DPP10: variants seen among roughly 807,000 people sequenced by gnomAD.
The protein encoded by DPP10 is dipeptidyl peptidase like 10, also known as inactive dipeptidyl peptidase 10.
A neutral mutation model predicts 120.9 loss-of-function variants in DPP10; 33 were observed. That is an observed-to-expected ratio of 0.27 (90% CI 0.21 to 0.37). The LOEUF (loss-of-function observed/expected upper bound fraction) is 0.37, where lower values mean the gene tolerates loss of function less well. Among genes scored for constraint, DPP10 ranks in the 10% least tolerant of loss-of-function variants. The probability of loss-of-function intolerance (pLI) is 1.00; values close to 1 mark genes in which losing one functional copy is unlikely to be tolerated. For missense variants in DPP10, 816 were observed against 942.8 expected (o/e 0.87, Z 1.76); for synonymous variants, 337 against 326.1 (o/e 1.03, Z -0.36).
intron 3 of DPP10, among the ~76,000 whole-genome samples, chr2:115,444,371 C>T (rs1280210353): frequency 6.6e-6 from 1 of 152,170 alleles, no homozygotes; most frequent in African/African-American, 2.4e-5. Context: ...CAGGCACCTG[C>T]ACTTTCCAAA....
chr2:114,965,920 C>T lies in DPP10; in HGVS notation c.61-343319C>T, dbSNP rs563481531. Among the ~76,000 whole-genome samples the T allele has an allele frequency of 1.7e-4, 22 of 128,640 alleles. No individual in the cohort carries two copies. The South Asian group carries it at 1.9e-3, about 11-fold the overall frequency. The allele number at this position is 128,640 out of a possible 152,430, so 84.4% of individuals were successfully genotyped here. A position where few individuals can be genotyped will look rare whatever the true frequency, so the allele number is the denominator to read the frequency against. On this transcript the variant is annotated intron_variant, in intron 1 of 25. Coordinates refer to ENST00000410059, the MANE Select transcript of DPP10 (RefSeq NM_020868.6). Reference sequence around the variant, plus strand: ...GGCAGGGCTTGCGGTGAGCCGAGATCGCCCCACTGCACTCCAGCTTGGGCG... The same window carrying T: ...GGCAGGGCTTGCGGTGAGCCGAGATTGCCCCACTGCACTCCAGCTTGGGCG...
intron 3 of DPP10, among the ~76,000 whole-genome samples, chr2:115,458,188 C>T (rs2073733877): frequency 6.6e-6 from 1 of 152,032 alleles, no homozygotes; most frequent in Non-Finnish European, 1.5e-5. Context: ...ATTACACCCC[C>T]AAAATGAGAG....
chr2:115,153,952 C>T (rs2051730741), intron 1 of DPP10, among the ~76,000 whole-genome samples: 1 of 152,202 alleles, frequency 6.6e-6, no homozygotes, highest in Non-Finnish European at 1.5e-5. Context: ...CAGCAATTCC[C>T]CTTACCCTCT....
At chr2:115,569,976 C>A (rs542858004) in intron 5 of DPP10, among the ~76,000 whole-genome samples, 2 of 152,082 alleles carry the variant, frequency 1.3e-5, no homozygotes, top group African/African-American at 4.8e-5. Context: ...TTTATATCAT[C>A]AAGTATTGTT....
At chr2:114,779,812 A>G (rs1393954884) in intron 1 of DPP10, among the ~76,000 whole-genome samples, 1 of 152,110 alleles carries the variant, frequency 6.6e-6, no homozygotes, top group Non-Finnish European at 1.5e-5. Context: ...CAAAAATTCC[A>G]AAAACATTTT....
chr2:114,442,645 G>A lies in DPP10; in HGVS notation c.-134G>A, dbSNP rs891532271. 8 of 944,794 alleles carry A rather than the reference G, an allele frequency of 8.5e-6. No homozygotes were observed. In the Admixed American group the frequency reaches 1.5e-4, roughly 18 times the overall value. The allele number at this position is 944,794 out of a possible 1,614,324, so 58.5% of individuals were successfully genotyped here. On this transcript the variant is annotated 5_prime_UTR_variant, in exon 1 of 26. Coordinates refer to ENST00000410059, the MANE Select transcript of DPP10 (RefSeq NM_020868.6). ...GAGTGAGGAAGCAGCAGAAACAGAA[G>A]CAGCAGAAGCAACAGCAGTAGCAGC...
intron 1 of DPP10, among the ~76,000 whole-genome samples, chr2:114,567,562 T>G (rs972843427): frequency 2.0e-5 from 3 of 152,154 alleles, no homozygotes; most frequent in Non-Finnish European, 4.4e-5. Context: ...GGAAACAGAT[T>G]CTTTCCTAGA....
chr2:114,876,394 C>A (rs886685466), intron 1 of DPP10, among the ~76,000 whole-genome samples: 3 of 152,070 alleles, frequency 2.0e-5, no homozygotes, highest in Non-Finnish European at 4.4e-5. Flanking sequence ...CCTGCAGCTT[C>A]CCTCTAATCA....
intron 1 of DPP10, among the ~76,000 whole-genome samples, chr2:115,215,736 T>C (rs1424591981): frequency 6.6e-6 from 1 of 152,160 alleles, no homozygotes; most frequent in Non-Finnish European, 1.5e-5. Context: ...AATTATCATA[T>C]AATCCAGCAA....
intron 1 of DPP10, among the ~76,000 whole-genome samples, chr2:114,899,418 G>A (rs902780632): frequency 1.3e-5 from 2 of 152,022 alleles, no homozygotes; most frequent in African/African-American, 2.4e-5. Flanking sequence ...TTTAACAACA[G>A]TACCAGCACC....
chr2:114,590,629 C>T (rs771949552), intron 1 of DPP10, among the ~76,000 whole-genome samples: 1 of 152,136 alleles, frequency 6.6e-6, no homozygotes, highest in Non-Finnish European at 1.5e-5. Context: ...CCATCATGAA[C>T]AATTGCAAGC....
At chr2:114,688,847 AAGG>A (rs1407718076) in intron 1 of DPP10, among the ~76,000 whole-genome samples, 1 of 151,844 alleles carries the variant, frequency 6.6e-6, no homozygotes, top group Non-Finnish European at 1.5e-5. Context: ...ATCGTCAACA[AAGG>A]AGAAGTTAGG....
At chr2:115,309,006 G>A (rs2061476381) in intron 1 of DPP10, among the ~76,000 whole-genome samples, 1 of 151,912 alleles carries the variant, frequency 6.6e-6, no homozygotes, top group African/African-American at 2.4e-5. Context: ...TCTACATTTT[G>A]GACAGCAAGC....
chr2:115,568,307 A>G (rs1000301726), intron 5 of DPP10, among the ~76,000 whole-genome samples: 1 of 151,968 alleles, frequency 6.6e-6, no homozygotes, highest in South Asian at 2.1e-4. Context: ...ATGTGGTGAA[A>G]CCCCATGTCT....
At chr2:114,560,885 C>T (rs763450894) in intron 1 of DPP10, among the ~76,000 whole-genome samples, 33 of 152,300 alleles carry the variant, frequency 2.2e-4, no homozygotes, top group Admixed American at 1.2e-3. Flanking sequence ...TTGTCATTTT[C>T]GCTGGCTCCT....
intron 5 of DPP10, among the ~76,000 whole-genome samples, chr2:115,600,190 CCCCTT>C (rs2083240209): frequency 3.9e-5 from 6 of 152,090 alleles, no homozygotes; most frequent in Non-Finnish European, 8.8e-5. Context: ...AGTTTTGATT[CCCCTT>C]TAGAAACTCC....
intron 1 of DPP10, among the ~76,000 whole-genome samples, chr2:114,472,889 T>C (rs555329883): frequency 7.2e-5 from 11 of 152,288 alleles, no homozygotes; most frequent in Non-Finnish European, 1.3e-4. Context: ...CAATACAATC[T>C]CCTCATGCCG....
intron 1 of DPP10, among the ~76,000 whole-genome samples, chr2:115,275,879 T>G (rs902699643): frequency 6.6e-6 from 1 of 152,076 alleles, no homozygotes; most frequent in Non-Finnish European, 1.5e-5. Flanking sequence ...TTTTTGTATT[T>G]TTTGGTGGAG....
At chr2:114,497,359 ATACATACACATG>A (rs1682739598) in intron 1 of DPP10, among the ~76,000 whole-genome samples, 2 of 141,518 alleles carry the variant, frequency 1.4e-5, no homozygotes, top group South Asian at 2.2e-4. Context: ...ACATGTACAT[ATACATACACATG>A]TACATATACA....
Sources: gnomAD v4.1 joint callset for allele counts (sites outside exome capture counted in the v4.1 genomes callset) on GRCh38, gnomAD v4.1.1 for gene constraint, MANE v1.5 for transcripts, NCBI Gene and HGNC (gene_info 2026-07-23, HGNC 2026-07-21) for gene names.